The following VPS13D variants were observed in gnomAD, a reference collection of about 807,000 sequenced individuals.
VPS13D encodes the protein vacuolar protein sorting 13 homolog D.
Under a neutral mutation model 461.9 loss-of-function variants are expected in VPS13D, and 187 were observed. That is an observed-to-expected ratio of 0.40 (90% CI 0.36 to 0.46). VPS13D has a LOEUF of 0.46. VPS13D is among the 20% of genes least tolerant of loss of function. VPS13D has a pLI of 0.60. For synonymous variants in VPS13D, 1,951 were observed against 1,986.3 expected (o/e 0.98, Z 0.47); for missense variants, 4,711 against 5,364.9 (o/e 0.88, Z 3.81).
At chr1:12,444,995 A>T (rs1247059120) in intron 65 of VPS13D, among the ~76,000 whole-genome samples, 1 of 152,208 alleles carries the variant, frequency 6.6e-6, no homozygotes, top group Non-Finnish European at 1.5e-5. Flanking sequence ...AAATATTAGC[A>T]GGAGTTTCCC....
chr1:12,330,332 T>G (rs1313567486), intron 37 of VPS13D, among the ~76,000 whole-genome samples: 1 of 151,970 alleles, frequency 6.6e-6, no homozygotes, highest in East Asian at 1.9e-4. Context: ...GGAGAATCAC[T>G]TGAACCCGGC....
intron 67 of VPS13D, among the ~76,000 whole-genome samples, chr1:12,482,445 C>T (rs753660098): frequency 1.3e-5 from 2 of 152,200 alleles, no homozygotes; most frequent in African/African-American, 2.4e-5. Context: ...TGCCTGAATG[C>T]TCTCTGTATC....
intron 21 of VPS13D, among the ~76,000 whole-genome samples, chr1:12,286,724 C>T (rs528682136): frequency 2.6e-5 from 4 of 152,342 alleles, no homozygotes; most frequent in Non-Finnish European, 5.9e-5. Context: ...TGATCATCAT[C>T]TGTTAGTGAC....
chr1:12,372,112 G>A (rs888262848), intron 54 of VPS13D, among the ~76,000 whole-genome samples: 1 of 152,118 alleles, frequency 6.6e-6, no homozygotes, highest in African/African-American at 2.4e-5. Flanking sequence ...GGAGTGCAGT[G>A]GCACAATCTT....
intron 37 of VPS13D, among the ~76,000 whole-genome samples, chr1:12,330,863 C>A (rs1408856997): frequency 6.6e-6 from 1 of 152,174 alleles, no homozygotes; most frequent in Non-Finnish European, 1.5e-5. Flanking sequence ...CCACTGCGCC[C>A]AGCCAAGCAT....
chr1:12,375,780 C>T (rs1365145988), intron 55 of VPS13D, among the ~76,000 whole-genome samples: 3 of 152,204 alleles, frequency 2.0e-5, no homozygotes, highest in Non-Finnish European at 4.4e-5. Flanking sequence ...CTCTGGGCTG[C>T]CCCATCGCTT....
chr1:12,387,989 A>G (rs1421123820), intron 60 of VPS13D, among the ~76,000 whole-genome samples: 2 of 152,212 alleles, frequency 1.3e-5, no homozygotes. Context: ...GGCAGAAGGA[A>G]AAAAATAGTA....
chr1:12,322,313 G>A (rs754235660), intron 33 of VPS13D, among the ~76,000 whole-genome samples: 22 of 152,194 alleles, frequency 1.4e-4, no homozygotes, highest in Non-Finnish European at 2.1e-4. Flanking sequence ...TGATCCGCCC[G>A]CTACATGGTG....
chr1:12,333,239 T>A lies in VPS13D; in HGVS notation c.8301T>A (p.Phe2767Leu). ...YNRALSGWEPFIEPWPCSVSW... is the reference protein window; with the variant it reads ...YNRALSGWEPLIEPWPCSVSW... ...GTGTTCTTTTAGGCTGGGAGCCATT[T>A]ATTGAGCCTTGGCCATGCTCTGTAT... Residue 2767 changes from phenylalanine (F) to leucine (L), a missense_variant, in exon 38 of 70, where the codon TTT becomes TTA. Physicochemically the swap from Phe to Leu is conservative, Grantham distance 22. Coordinates refer to ENST00000620676, the MANE Select transcript of VPS13D (RefSeq NM_015378.4). The A allele has an allele frequency of 1.2e-6, 2 of 1,613,852 alleles. No homozygotes were observed. Among genetic ancestry groups the A allele is most frequent in the Non-Finnish European group, 1.7e-6 (2 of 1,179,806 alleles).
chr1:12,501,676 T>G (rs530156977), intron 68 of VPS13D, among the ~76,000 whole-genome samples: 2 of 152,202 alleles, frequency 1.3e-5, no homozygotes, highest in South Asian at 2.1e-4. Flanking sequence ...GTAAGAAATT[T>G]CCTCTGTCCT....
At chr1:12,384,033 GA>G (rs1422495325) in intron 58 of VPS13D, among the ~76,000 whole-genome samples, 2 of 152,164 alleles carry the variant, frequency 1.3e-5, no homozygotes, top group African/African-American at 4.8e-5. Context: ...AGGAGTCAGG[GA>G]ATGGCATGAT....
intron 60 of VPS13D, among the ~76,000 whole-genome samples, chr1:12,388,189 T>C (rs1644374266): frequency 6.6e-6 from 1 of 152,152 alleles, no homozygotes; most frequent in Non-Finnish European, 1.5e-5. Context: ...TGATGTCACT[T>C]GAATGTAGAA....
At chr1:12,409,941 T>A (rs892037402) in intron 63 of VPS13D, 1 of 455,864 alleles carries the variant, frequency 2.2e-6, no homozygotes, top group Non-Finnish European at 4.4e-6. Flanking sequence ...CTTTTTCTGA[T>A]TTGTAAGCAG....
intron 5 of VPS13D, among the ~76,000 whole-genome samples, chr1:12,248,141 G>C (rs1640619934): frequency 6.6e-6 from 1 of 151,638 alleles, no homozygotes; most frequent in Admixed American, 6.6e-5. Context: ...CGACTGCCTC[G>C]GCCTCCCAAA....
intron 66 of VPS13D, among the ~76,000 whole-genome samples, chr1:12,459,489 T>G (rs1262039008): frequency 3.3e-5 from 5 of 150,598 alleles, no homozygotes; most frequent in African/African-American, 7.3e-5. Context: ...TTTCTTTTTT[T>G]TTTTTTTTTT....
rs1642977620 is a variant in VPS13D, at chr1:12,319,517, G to A, written c.7435G>A (p.Glu2479Lys). 1 of 1,614,038 alleles carries A rather than the reference G, an allele frequency of 6.2e-7. No homozygotes were observed. Among genetic ancestry groups the A allele is most frequent in the Admixed American group, 1.7e-5 (1 of 60,002 alleles). ...NVTGTEFVVI[E>K]DVSCFDTNAI... is the part of the protein sequence containing the mutation. ...TCCAGGTACGGAGTTTGTGGTCATT[G>A]AAGATGTGTCCTGCTTCGACACCAA... The change falls in exon 32 of 70, where the codon GAA (glutamate) becomes AAA (lysine). Residue 2479 changes from glutamate to lysine, a missense_variant. Physicochemically the swap from Glu to Lys is moderately conservative, Grantham distance 56. Around this residue, in one of 3 missense-constraint regions of VPS13D, gnomAD observed 4,411 missense variants for 4,937.8 expected, o/e 0.89. Coordinates refer to ENST00000620676, the MANE Select transcript of VPS13D (RefSeq NM_015378.4).
intron 1 of VPS13D, among the ~76,000 whole-genome samples, chr1:12,232,448 C>T (rs964217249): frequency 1.1e-4 from 17 of 152,044 alleles, no homozygotes; most frequent in Non-Finnish European, 7.4e-5. Context: ...AGGCTGGCTC[C>T]AGTGGGATGC....
rs1355318568 is a variant in VPS13D, at chr1:12,505,061, G to A, written c.12795-1792G>A. The stretch of plus-strand genomic sequence containing the variant: ...ACATTCCTGCTGTCATCCCAATCAT[G>A]GTGGCCAACTTTGGAGTCTCCTTGG... On this transcript the variant is annotated intron_variant, in intron 68 of 69. Coordinates refer to ENST00000620676, the MANE Select transcript of VPS13D (RefSeq NM_015378.4). This position sits in a 1 kb window ranked among gnomAD's most constrained non-coding sequence, Gnocchi z 4.2. Among the ~76,000 whole-genome samples, 1 of 152,172 alleles carries A rather than the reference G, an allele frequency of 6.6e-6. No individual in the cohort carries two copies. Among genetic ancestry groups the A allele is most frequent in the Non-Finnish European group, 1.5e-5 (1 of 68,032 alleles).
intron 12 of VPS13D, among the ~76,000 whole-genome samples, 180 bp downstream of exon 12, chr1:12,261,329 C>T (rs1641101937): frequency 6.6e-6 from 1 of 152,140 alleles, no homozygotes; most frequent in Non-Finnish European, 1.5e-5. Context: ...ACTAAATGTG[C>T]GTATTAATGC....
Sources: gnomAD v4.1 joint callset for allele counts (sites outside exome capture counted in the v4.1 genomes callset) on GRCh38, gnomAD v4.1.1 for gene constraint, gnomAD v4.1.1 regional missense constraint, Gnocchi (gnomAD v3.1) non-coding constraint, MANE v1.5 for transcripts, NCBI Gene and HGNC (gene_info 2026-07-23, HGNC 2026-07-21) for gene names.